SNX29: variants seen among roughly 807,000 people sequenced by gnomAD.
SNX29 encodes sorting nexin-29.
Under a neutral mutation model 102.1 loss-of-function variants are expected in SNX29, and 78 were observed. That is an observed-to-expected ratio of 0.76 (90% CI 0.64 to 0.92). SNX29 has a LOEUF of 0.92. Ranked by LOEUF, SNX29 falls within the 40% of genes least tolerant of loss-of-function variation. The pLI, the probability that SNX29 is intolerant of heterozygous loss-of-function variation, is 0.00. For synonymous variants in SNX29, 580 were observed against 414.5 expected (o/e 1.40, Z -4.85); for missense variants, 1,280 against 1,061.7 (o/e 1.21, Z -2.86).
At chr16:12,362,551 A>ACCACCG (rs1464136306) in intron 16 of SNX29, among the ~76,000 whole-genome samples, 1 of 23,496 alleles carries the variant, frequency 4.3e-5, no homozygotes, top group Non-Finnish European at 9.2e-5. Context: ...TGGCTGCTGC[A>ACCACCG]CTCCCCCCCC....
intron 12 of SNX29, among the ~76,000 whole-genome samples, chr16:12,128,141 G>A (rs551253089): frequency 2.0e-5 from 3 of 152,306 alleles, no homozygotes; most frequent in East Asian, 1.9e-4. Context: ...TCTTTAGACC[G>A]CACCATTTTC....
chr16:12,241,788 C>G (rs1015581893), intron 14 of SNX29, among the ~76,000 whole-genome samples: 6 of 152,196 alleles, frequency 3.9e-5, no homozygotes, highest in African/African-American at 1.4e-4. Context: ...GTTTCCCCAT[C>G]TCTTTCTCTC....
chr16:12,152,882 C>T (rs145382264), intron 13 of SNX29, among the ~76,000 whole-genome samples: 66 of 152,340 alleles, frequency 4.3e-4, no homozygotes, highest in African/African-American at 1.5e-3. Flanking sequence ...TCTCAGTTCA[C>T]AAGAGGGTGA....
Position 12,247,779 on chromosome 16 carries a change from C to T in SNX29, c.1679-30154C>T, listed in dbSNP as rs567337004. On this transcript the variant is annotated intron_variant, in intron 14 of 20. Coordinates refer to ENST00000566228, the MANE Select transcript of SNX29 (RefSeq NM_032167.5). ...AAGGTTGGGTTCCTTACATGGCATT[C>T]TCAGGAAGTACTGTTGGAGAGTCTT... Among the ~76,000 whole-genome samples the T allele has an allele frequency of 5.9e-5, 9 of 152,318 alleles. No homozygotes were observed. The East Asian group carries it at 1.7e-3, about 29-fold the overall frequency.
At chr16:12,017,220 C>T (rs1226401174) in intron 3 of SNX29, among the ~76,000 whole-genome samples, 1 of 152,202 alleles carries the variant, frequency 6.6e-6, no homozygotes, top group Non-Finnish European at 1.5e-5. Context: ...CCTATTTCCC[C>T]ATGCTCTTGC....
chr16:12,405,254 T>G (rs2151519712), intron 18 of SNX29, among the ~76,000 whole-genome samples: 2 of 152,322 alleles, frequency 1.3e-5, no homozygotes, highest in East Asian at 1.9e-4. Flanking sequence ...CAGTTTTGAC[T>G]TTTCCCCCTG....
chr16:12,441,159 C>T (rs2085789477), intron 18 of SNX29, among the ~76,000 whole-genome samples: 1 of 146,716 alleles, frequency 6.8e-6, no homozygotes, highest in South Asian at 2.2e-4. Flanking sequence ...GCTATCTCGG[C>T]TCACTGCAAG....
intron 20 of SNX29, among the ~76,000 whole-genome samples, chr16:12,525,408 C>T (rs796530174): frequency 1.5e-4 from 23 of 151,974 alleles, no homozygotes; most frequent in Admixed American, 1.1e-3. Context: ...CACGGTGGCT[C>T]ACGCCTGTAA....
chr16:12,472,086 C>T (rs1045026574), intron 18 of SNX29, among the ~76,000 whole-genome samples: 2 of 152,220 alleles, frequency 1.3e-5, no homozygotes, highest in Non-Finnish European at 2.9e-5. Flanking sequence ...GGGAAATATT[C>T]ATACAGTGGA....
chr16:11,990,187 T>C (rs535060343), intron 1 of SNX29, among the ~76,000 whole-genome samples: 27 of 152,256 alleles, frequency 1.8e-4, no homozygotes, highest in African/African-American at 6.0e-4. Flanking sequence ...TGTGTTGTGT[T>C]TGTTTCATGT....
intron 19 of SNX29, among the ~76,000 whole-genome samples, chr16:12,507,974 G>C (rs1014495336): frequency 8.5e-5 from 13 of 152,214 alleles, no homozygotes; most frequent in Admixed American, 2.0e-4. Flanking sequence ...TGGGACAGCA[G>C]AGTAGCTGGG....
chr16:12,089,299 C>A (rs2052386074), intron 11 of SNX29, among the ~76,000 whole-genome samples: 1 of 151,748 alleles, frequency 6.6e-6, no homozygotes, highest in Non-Finnish European at 1.5e-5. Context: ...ACCCTGCACT[C>A]CAGCCTGGGT....
intron 14 of SNX29, among the ~76,000 whole-genome samples, chr16:12,264,065 G>C (rs1032846170): frequency 2.0e-5 from 3 of 152,304 alleles, no homozygotes; most frequent in African/African-American, 7.2e-5. Context: ...GTTAACCTAC[G>C]AGAAAGGTGT....
chr16:12,087,515 T>C lies in SNX29; in HGVS notation c.1402+8600T>C, dbSNP rs555857989. The C allele has an allele frequency of 2.4e-5, 6 of 249,152 alleles. No individual in the cohort carries two copies. The South Asian group carries it at 3.0e-4, about 13-fold the overall frequency. The allele number at this position is 249,152 out of a possible 1,614,324, so 15.4% of individuals were successfully genotyped here. On this transcript the variant is annotated intron_variant, in intron 11 of 20. Coordinates refer to ENST00000566228, the MANE Select transcript of SNX29 (RefSeq NM_032167.5). ...GGGAGAATGAGGCAGGAGGATTGCT[T>C]GAGCCCAGGAGTTCGAGGCTGCATT... is the stretch of plus-strand genomic sequence containing the variant.
At chr16:12,208,868 C>T (rs554484217) in intron 14 of SNX29, among the ~76,000 whole-genome samples, 36 of 151,120 alleles carry the variant, frequency 2.4e-4, no homozygotes, top group African/African-American at 8.2e-4. Flanking sequence ...AAGACTGAGT[C>T]ACTTGTTACT....
intron 20 of SNX29, among the ~76,000 whole-genome samples, chr16:12,533,762 T>A (rs968527060): frequency 6.6e-6 from 1 of 152,052 alleles, no homozygotes; most frequent in Non-Finnish European, 1.5e-5. Context: ...AGCCATTGAG[T>A]TGTCAGCAGG....
chr16:12,191,194 G>T (rs1242171560), intron 13 of SNX29, among the ~76,000 whole-genome samples: 1 of 152,140 alleles, frequency 6.6e-6, no homozygotes, highest in African/African-American at 2.4e-5. Flanking sequence ...AGAATCTAAG[G>T]CTGCTGCTGA....
chr16:12,157,884 T>C (rs146703397), intron 13 of SNX29, among the ~76,000 whole-genome samples: 69 of 152,322 alleles, frequency 4.5e-4, no homozygotes, highest in African/African-American at 1.6e-3. Flanking sequence ...CTTCTGTTCA[T>C]GCATCAGGAG....
chr16:12,350,204 C>T (rs1197401972), intron 15 of SNX29, among the ~76,000 whole-genome samples: 1 of 152,202 alleles, frequency 6.6e-6, no homozygotes, highest in African/African-American at 2.4e-5. Flanking sequence ...GTATCTGCGA[C>T]TCTGCATCTG....
Sources: gnomAD v4.1 joint callset for allele counts (sites outside exome capture counted in the v4.1 genomes callset) on GRCh38, gnomAD v4.1.1 for gene constraint, MANE v1.5 for transcripts, NCBI Gene and HGNC (gene_info 2026-07-23, HGNC 2026-07-21) for gene names.